The following NTM variants were observed in gnomAD, a reference collection of about 807,000 sequenced individuals.
NTM encodes IgLON family member 2.
In NTM, 13 loss-of-function variants were observed where a neutral mutation model predicts 42.1. The ratio of observed to expected loss-of-function variants is 0.31; its 90% CI spans 0.20 to 0.49. The LOEUF (loss-of-function observed/expected upper bound fraction) is 0.49. Among genes scored for constraint, NTM ranks in the 20% least tolerant of loss-of-function variants. NTM has a pLI of 0.99. For missense variants in NTM, 373 were observed against 452.8 expected (o/e 0.82, Z 1.60); for synonymous variants, 187 against 179.2 (o/e 1.04, Z -0.35).
intron 3 of NTM, among the ~76,000 whole-genome samples, chr11:132,148,309 A>G (rs983721301): frequency 1.3e-5 from 2 of 152,218 alleles, no homozygotes; most frequent in Admixed American, 1.3e-4. Context: ...TGTAAAATAC[A>G]TTTTTTATTA....
intron 1 of NTM, among the ~76,000 whole-genome samples, chr11:131,506,360 T>C (rs1485563041): frequency 5.9e-5 from 9 of 152,196 alleles, no homozygotes. Flanking sequence ...GGTGCCCGAA[T>C]ATCTTTAATT....
intron 1 of NTM, among the ~76,000 whole-genome samples, chr11:131,579,625 A>G (rs749508825): frequency 6.6e-6 from 1 of 152,210 alleles, no homozygotes; most frequent in Non-Finnish European, 1.5e-5. Context: ...TTGCAAGGCT[A>G]TCTTCTGAAG....
intron 1 of NTM, among the ~76,000 whole-genome samples, chr11:131,626,838 A>G (rs2063150883): frequency 6.6e-6 from 1 of 152,208 alleles, no homozygotes; most frequent in African/African-American, 2.4e-5. Flanking sequence ...AAAACTAACT[A>G]AATGAATGAG....
intron 1 of NTM, among the ~76,000 whole-genome samples, chr11:131,907,202 T>TTG (rs974229455): frequency 1.3e-5 from 2 of 152,218 alleles, no homozygotes; most frequent in South Asian, 2.1e-4. Context: ...TTTTCGTCTC[T>TTG]TGTGTGTGTG....
intron 2 of NTM, among the ~76,000 whole-genome samples, chr11:131,958,452 T>A (rs2061788601): frequency 6.6e-6 from 1 of 152,204 alleles, no homozygotes. Flanking sequence ...CTTCCCTATA[T>A]AACTGTAGTC....
At chr11:131,775,389 T>C (rs2086798631) in intron 1 of NTM, among the ~76,000 whole-genome samples, 1 of 152,210 alleles carries the variant, frequency 6.6e-6, no homozygotes, top group African/African-American at 2.4e-5. Context: ...AGGAAAAAGA[T>C]TATGTGTCTC....
chr11:131,933,921 C>G (rs566856733), intron 2 of NTM, among the ~76,000 whole-genome samples: 1 of 151,860 alleles, frequency 6.6e-6, no homozygotes, highest in Non-Finnish European at 1.5e-5. Flanking sequence ...TACATATTAC[C>G]TCCTTTAACA....
At position 132,236,131 on chromosome 11, in the gene NTM, G is replaced by T. The variant is rs60582418; in HGVS notation, c.526+23984G>T. Among the ~76,000 whole-genome samples the T allele has an allele frequency of 3.7e-3, 558 of 152,272 alleles. 5 individuals carry two copies. The highest frequency in any genetic ancestry group is 0.012 in the African/African-American group (513 of 41,550). On this transcript the variant is annotated intron_variant, in intron 4 of 8. Coordinates refer to ENST00000683400, the MANE Select transcript of NTM (RefSeq NM_001352005.2). The stretch of plus-strand genomic sequence containing the variant: ...TCGTTGTCATTGAAGGCATGACAAA[G>T]TATCATTAGCCAACTTTTCTGGAGC...
intron 1 of NTM, among the ~76,000 whole-genome samples, chr11:131,724,307 A>G (rs2135423897): frequency 6.6e-6 from 1 of 152,154 alleles, no homozygotes; most frequent in South Asian, 2.1e-4. Context: ...TAAAATTATT[A>G]TTATTTTTTC....
rs181863064 is a variant in NTM, at chr11:131,946,213, G to A, written c.167+34565G>A. Among the ~76,000 whole-genome samples the A allele has an allele frequency of 4.5e-4, 69 of 151,980 alleles. 2 individuals are homozygous for A. Among genetic ancestry groups the A allele is most frequent in the African/African-American group, 1.2e-3 (49 of 41,290 alleles). On this transcript the variant is annotated intron_variant, in intron 2 of 8. Coordinates refer to ENST00000683400, the MANE Select transcript of NTM (RefSeq NM_001352005.2). ...GCGGGAGACTGGGAGATGGGGAGACGTGGGGGAATGGACTGCTGATGACTG... is the reference window on the plus strand; with the variant it reads ...GCGGGAGACTGGGAGATGGGGAGACATGGGGGAATGGACTGCTGATGACTG...
intron 1 of NTM, among the ~76,000 whole-genome samples, chr11:131,748,131 C>T (rs748877714): frequency 4.6e-5 from 7 of 152,202 alleles, no homozygotes; most frequent in Non-Finnish European, 1.0e-4. Context: ...ATTGTACATG[C>T]TTGGTCATAT....
chr11:131,470,135 G>A (rs956248171), intron 1 of NTM, among the ~76,000 whole-genome samples: 9 of 152,154 alleles, frequency 5.9e-5, no homozygotes, highest in Non-Finnish European at 7.4e-5. Flanking sequence ...TGACCCTCAC[G>A]TTATCTGCCA....
intron 4 of NTM, 21 bp downstream of exon 4, chr11:132,212,168 A>G (rs200304498): frequency 1.4e-4 from 222 of 1,605,264 alleles, no homozygotes; most frequent in Admixed American, 1.9e-4. Flanking sequence ...AGTTTGTTGC[A>G]TTGCATCATG....
chr11:131,652,284 T>C (rs1478145818), intron 1 of NTM, among the ~76,000 whole-genome samples: 1 of 152,148 alleles, frequency 6.6e-6, no homozygotes, highest in Non-Finnish European at 1.5e-5. Context: ...TTTTTTTCTA[T>C]GAGAAAAGGC....
At chr11:131,567,466 C>T (rs893589917) in intron 1 of NTM, among the ~76,000 whole-genome samples, 3 of 151,872 alleles carry the variant, frequency 2.0e-5, no homozygotes, top group Non-Finnish European at 4.4e-5. Flanking sequence ...CCAGCCTGGG[C>T]AATAGAGCAA....
At chr11:132,028,923 G>C (rs770650303) in intron 2 of NTM, among the ~76,000 whole-genome samples, 4 of 152,106 alleles carry the variant, frequency 2.6e-5, no homozygotes, top group Non-Finnish European at 5.9e-5. Context: ...GAAGTGTGGA[G>C]TCTCCCAAAG....
chr11:131,753,118 C>T (rs2082791050), intron 1 of NTM, among the ~76,000 whole-genome samples: 1 of 152,024 alleles, frequency 6.6e-6, no homozygotes, highest in Non-Finnish European at 1.5e-5. Context: ...GACATTTATG[C>T]AGCCAAAAAA....
intron 1 of NTM, among the ~76,000 whole-genome samples, chr11:131,532,821 A>G (rs1381122445): frequency 6.6e-6 from 1 of 152,218 alleles, no homozygotes; most frequent in Non-Finnish European, 1.5e-5. Context: ...TCTAATGATC[A>G]GTGATGCTGA....
At chr11:131,687,596 G>A (rs1047106520) in intron 1 of NTM, among the ~76,000 whole-genome samples, 21 of 152,348 alleles carry the variant, frequency 1.4e-4, no homozygotes, top group African/African-American at 4.8e-4. Flanking sequence ...GCCGAGTGGG[G>A]CAGCCACAAG....
Sources: gnomAD v4.1 joint callset for allele counts (sites outside exome capture counted in the v4.1 genomes callset) on GRCh38, gnomAD v4.1.1 for gene constraint, MANE v1.5 for transcripts, NCBI Gene and HGNC (gene_info 2026-07-23, HGNC 2026-07-21) for gene names.